Variants in RBKS observed in about 807,000 individuals in gnomAD.
The protein encoded by RBKS is ribokinase.
A neutral mutation model predicts 33.9 loss-of-function variants in RBKS; 33 were observed. The observed-to-expected ratio is 0.97, with a 90% CI of 0.74 to 1.30. RBKS has a LOEUF of 1.30. RBKS is among the 50% of genes most tolerant of loss of function. RBKS has a pLI of 0.00. For missense variants in RBKS, 361 were observed against 392.6 expected, an observed-to-expected ratio of 0.92 and a Z score of 0.68; for synonymous variants, 125 against 143.0, an observed-to-expected ratio of 0.87 and a Z score of 0.90.
chr2:27,826,413 C>CTT (rs1269916189), intron 7 of RBKS, among the ~76,000 whole-genome samples: 10 of 142,804 alleles, frequency 7.0e-5, no homozygotes, highest in Non-Finnish European at 9.3e-5. Flanking sequence ...TTTTTCTTTT[C>CTT]TTTTTTTTTT....
intron 7 of RBKS, among the ~76,000 whole-genome samples, chr2:27,825,671 G>A (rs1461918255): frequency 6.6e-6 from 1 of 152,180 alleles, no homozygotes; most frequent in East Asian, 1.9e-4. Context: ...TATGAGGAAG[G>A]CAGAGCTGAC....
chr2:27,791,708 T>C (rs1409545624), intron 7 of RBKS, among the ~76,000 whole-genome samples: 1 of 151,864 alleles, frequency 6.6e-6, no homozygotes, highest in Non-Finnish European at 1.5e-5. Context: ...TACGTATACA[T>C]CTCTCTTCTT....
At chr2:27,863,139 G>A (rs1664023133) in intron 1 of RBKS, among the ~76,000 whole-genome samples, 1 of 152,216 alleles carries the variant, frequency 6.6e-6, no homozygotes, top group Non-Finnish European at 1.5e-5. Context: ...ATTTCTGAAT[G>A]AGGGAGAAAA....
intron 7 of RBKS, among the ~76,000 whole-genome samples, chr2:27,813,420 G>A (rs898777573): frequency 1.3e-5 from 2 of 151,910 alleles, no homozygotes; most frequent in African/African-American, 4.8e-5. Context: ...ATGAAAGAAT[G>A]GACAGGTTTG....
intron 1 of RBKS, among the ~76,000 whole-genome samples, chr2:27,886,751 A>G (rs921501512): frequency 3.9e-5 from 6 of 151,942 alleles, no homozygotes; most frequent in Non-Finnish European, 8.8e-5. Context: ...AAAAATAAAA[A>G]AGAAAGGTTA....
chr2:27,874,818 T>C (rs1664281006), intron 1 of RBKS, among the ~76,000 whole-genome samples: 1 of 152,226 alleles, frequency 6.6e-6, no homozygotes, highest in Admixed American at 6.5e-5. Context: ...CTGGTTTAAC[T>C]GACTCTAAAG....
chr2:27,845,159 T>A (rs539984760), intron 4 of RBKS, among the ~76,000 whole-genome samples: 129 of 152,356 alleles, frequency 8.5e-4, no homozygotes, highest in African/African-American at 3.1e-3. Flanking sequence ...TGCTTCCATG[T>A]TGCTGTCTCC....
chr2:27,889,707 T>C (rs1037953026), intron 1 of RBKS, among the ~76,000 whole-genome samples: 5 of 152,230 alleles, frequency 3.3e-5, no homozygotes, highest in Non-Finnish European at 4.4e-5. Flanking sequence ...GCTGTAAATA[T>C]AAAATACTGC....
At chr2:27,861,663 T>TGCGG (rs1553380056) in intron 1 of RBKS, 3 of 281,826 alleles carry the variant, frequency 1.1e-5, no homozygotes, top group Admixed American at 8.3e-5. Context: ...CATTTCTTTT[T>TGCGG]GGGGGGGGGG....
chr2:27,789,484 C>T (rs1025095217), intron 7 of RBKS, among the ~76,000 whole-genome samples: 8 of 151,074 alleles, frequency 5.3e-5, no homozygotes, highest in Non-Finnish European at 8.8e-5. Context: ...CTGTAACCTC[C>T]GCCTCCTGGG....
intron 1 of RBKS, among the ~76,000 whole-genome samples, chr2:27,880,501 C>CTA (rs1022384452): frequency 6.6e-6 from 1 of 152,066 alleles, no homozygotes; most frequent in African/African-American, 2.4e-5. Context: ...TTGCATGATT[C>CTA]TATACCTAGG....
intron 5 of RBKS, among the ~76,000 whole-genome samples, chr2:27,834,257 A>G (rs1678474528): frequency 1.3e-5 from 2 of 152,204 alleles, no homozygotes; most frequent in Admixed American, 6.5e-5. Context: ...ATTTTGATTC[A>G]GTCAGTGGGT....
intron 7 of RBKS, chr2:27,809,986 A>T (rs1292472800): frequency 2.3e-6 from 3 of 1,304,296 alleles, no homozygotes; most frequent in Non-Finnish European, 1.0e-6. Context: ...TGGGTTATTT[A>T]TAATGTTTCT....
chr2:27,789,917 T>TGTG (rs1558532927), intron 7 of RBKS, among the ~76,000 whole-genome samples: 88 of 105,618 alleles, frequency 8.3e-4, no homozygotes, highest in African/African-American at 3.5e-3. Context: ...GTGTGTGTGT[T>TGTG]TGTGTGTGTA....
rs1485774531 is a variant in RBKS at position 27,837,702 on chromosome 2, A to G, written c.515-4925T>C. Among the ~76,000 whole-genome samples the G allele has an allele frequency of 1.6e-4, 24 of 152,210 alleles. No homozygotes were observed. The highest frequency in any genetic ancestry group is 2.9e-5 in the Non-Finnish European group (2 of 68,042). ...AACATAGATGGAGCTGGAGGCCATA[A>G]TCCTAATCAAATTAAAATAAGAACA... On this transcript the variant is annotated intron_variant, in intron 5 of 7. Transcript: ENST00000302188. The surrounding 1 kb of genome is among the most constrained non-coding windows in gnomAD (Gnocchi z 4.0).
intron 7 of RBKS, among the ~76,000 whole-genome samples, chr2:27,789,283 T>C (rs1677463056): frequency 6.6e-6 from 1 of 152,180 alleles, no homozygotes; most frequent in African/African-American, 2.4e-5. Flanking sequence ...TTTTGGAATA[T>C]TTGCATTATA....
intron 1 of RBKS, among the ~76,000 whole-genome samples, chr2:27,863,989 T>C (rs1451544648): frequency 2.0e-5 from 3 of 152,250 alleles, no homozygotes; most frequent in East Asian, 3.8e-4. Context: ...ACATAAATTA[T>C]GCTTTATGCA....
At chr2:27,844,788 T>C (rs1663589880) in intron 4 of RBKS, among the ~76,000 whole-genome samples, 1 of 152,218 alleles carries the variant, frequency 6.6e-6, no homozygotes, top group Non-Finnish European at 1.5e-5. Flanking sequence ...TGTTCCTTTT[T>C]ACTTTTTAAA....
intron 1 of RBKS, among the ~76,000 whole-genome samples, chr2:27,872,871 T>C (rs906076837): frequency 2.6e-5 from 4 of 151,888 alleles, no homozygotes; most frequent in Non-Finnish European, 5.9e-5. Context: ...AGGAAGCAAT[T>C]TGTGGTGGAA....
Sources: gnomAD v4.1 joint callset for allele counts (sites outside exome capture counted in the v4.1 genomes callset) on GRCh38, gnomAD v4.1.1 for gene constraint, Gnocchi (gnomAD v3.1) non-coding constraint, MANE v1.5 for transcripts, NCBI Gene and HGNC (gene_info 2026-07-23, HGNC 2026-07-21) for gene names.